Variants in MAP3K3 observed in about 807,000 individuals in gnomAD.
The protein encoded by MAP3K3 is mitogen-activated protein kinase kinase kinase 3.
Under a neutral mutation model 80.9 loss-of-function variants are expected in MAP3K3, and 12 were observed. The observed-to-expected ratio is 0.15, with a 90% confidence interval of 0.10 to 0.24. The LOEUF (loss-of-function observed/expected upper bound fraction) is 0.24. MAP3K3 is among the 10% of genes least tolerant of loss of function. MAP3K3 has a pLI of 1.00. For missense variants in MAP3K3, 596 were observed against 834.7 expected (o/e 0.71, Z 3.52); for synonymous variants, 272 against 307.1 (o/e 0.89, Z 1.19).
intron 2 of MAP3K3, among the ~76,000 whole-genome samples, chr17:63,639,577 C>T (rs144431569): frequency 2.0e-5 from 3 of 152,200 alleles, no homozygotes; most frequent in East Asian, 3.9e-4. Context: ...TGTAGAGGAA[C>T]GCAGAGTGGG....
At chr17:63,682,192 C>T (rs780533514) in intron 7 of MAP3K3, 82 of 247,544 alleles carry the variant, frequency 3.3e-4, no homozygotes, top group Non-Finnish European at 5.6e-4. Context: ...AGGCAGGCAC[C>T]ACCACGCCCA....
At position 63,666,922 on chromosome 17, in the gene MAP3K3, T is replaced by G. The variant is rs2035010131; in HGVS notation, c.382-18T>G. On this transcript the variant is annotated intron_variant, in intron 5 of 15. Coordinates refer to ENST00000361733, the MANE Select transcript of MAP3K3 (RefSeq NM_002401.5). ...CTGTGTAAAGATGTAGCTTGGCCTTTTTCCTCTTCTTTTACAGAACAGTTC... is the reference window on the plus strand; with the variant it reads ...CTGTGTAAAGATGTAGCTTGGCCTTGTTCCTCTTCTTTTACAGAACAGTTC... 1 of 1,612,424 alleles carries G rather than the reference T, an allele frequency of 6.2e-7. No homozygotes were observed. The highest frequency in any genetic ancestry group is 8.5e-7 in the Non-Finnish European group (1 of 1,179,590).
In MAP3K3 at chr17:63,691,708, T is replaced by G. The variant is rs764725736; in HGVS notation, c.1345-25T>G. On this transcript the variant is annotated intron_variant, in intron 13 of 15. Coordinates refer to ENST00000361733, the MANE Select transcript of MAP3K3 (RefSeq NM_002401.5). This position sits in a 1 kb window ranked among gnomAD's most constrained non-coding sequence, Gnocchi z 4.8. ...TCCACCAGCCCTCCCCTGAGGGGAC[T>G]CCTCTGACTTCTTGTGGCCTCCAGG... The G allele has an allele frequency of 4.4e-6, 7 of 1,607,216 alleles. No homozygotes were observed. The highest frequency in any genetic ancestry group is 2.7e-5 in the African/African-American group (2 of 74,944).
intron 6 of MAP3K3, among the ~76,000 whole-genome samples, chr17:63,677,064 G>A (rs189492781): frequency 2.6e-5 from 4 of 152,298 alleles, no homozygotes; most frequent in Non-Finnish European, 4.4e-5. Flanking sequence ...GGGATTCTAC[G>A]GAGTTCCTAC....
intron 5 of MAP3K3, among the ~76,000 whole-genome samples, 186 bp from the exon 6 acceptor site, chr17:63,666,754 A>G (rs2035006823): frequency 6.6e-6 from 1 of 152,208 alleles, no homozygotes; most frequent in African/African-American, 2.4e-5. Flanking sequence ...ATAAAACTAC[A>G]TTGAGCGAAT....
At position 63,691,964 on chromosome 17, in the gene MAP3K3, A is replaced by G. The variant is rs1018580812; in HGVS notation, c.1474+102A>G. On this transcript the variant is annotated intron_variant, in intron 14 of 15. Coordinates refer to ENST00000361733, the MANE Select transcript of MAP3K3 (RefSeq NM_002401.5). The surrounding 1 kb of genome is among the most constrained non-coding windows in gnomAD (Gnocchi z 4.8). The stretch of plus-strand genomic sequence containing the variant: ...ACTTAACCATTCTGAACTTTCTGAA[A>G]AGTGGGACCCCAGTTGTTTCCCTGA... 1 of 1,346,548 alleles carries G rather than the reference A, an allele frequency of 7.4e-7. No individual in the cohort carries two copies. Among genetic ancestry groups the G allele is most frequent in the African/African-American group, 1.5e-5 (1 of 68,816 alleles). The allele number at this position is 1,346,548 out of a possible 1,614,324, so 83.4% of individuals were successfully genotyped here.
chr17:63,630,920 G>T (rs1568121683), intron 1 of MAP3K3, among the ~76,000 whole-genome samples: 1 of 152,060 alleles, frequency 6.6e-6, no homozygotes, highest in Non-Finnish European at 1.5e-5. Flanking sequence ...AGGCAACTTT[G>T]TCCTTTTCTG....
At chr17:63,678,768 G>T (rs565207683) in intron 6 of MAP3K3, among the ~76,000 whole-genome samples, 1 of 152,186 alleles carries the variant, frequency 6.6e-6, no homozygotes, top group Non-Finnish European at 1.5e-5. Context: ...AGTGGCTGAC[G>T]CCTGTAATCC....
At chr17:63,626,668 A>G (rs1011927379) in intron 1 of MAP3K3, among the ~76,000 whole-genome samples, 2 of 152,248 alleles carry the variant, frequency 1.3e-5, no homozygotes, top group Non-Finnish European at 2.9e-5. Flanking sequence ...GCATATACTC[A>G]TTGTAAAATG....
At chr17:63,655,535 A>G (rs1390200209) in intron 4 of MAP3K3, among the ~76,000 whole-genome samples, 3 of 152,186 alleles carry the variant, frequency 2.0e-5, no homozygotes, top group South Asian at 4.1e-4. Flanking sequence ...TTTGTTGCGC[A>G]GGCCAGAGTG....
rs1464626795 is a variant in MAP3K3 at position 63,681,836 on chromosome 17, G to A, written c.573G>A (p.Arg191=). 7.8e-6 allele frequency: 12 copies of A among 1,546,718 alleles called. No homozygotes were observed. Among genetic ancestry groups the A allele is most frequent in the Admixed American group, 1.9e-5 (1 of 52,518 alleles). ...CTGAGCGGCAGCAGCACATTGCCCG[G>A]CAGGGGTCCTACACCAGCATCAACA... ...YVPERQQHIA[R]QGSYTSINSE... The change falls in exon 7 of 16, where the codon CGG becomes CGA. Residue 191 remains arginine, a synonymous_variant. Transcript: ENST00000361733.
At chr17:63,683,470 G>A (rs1468065273) in intron 7 of MAP3K3, among the ~76,000 whole-genome samples, 1 of 152,174 alleles carries the variant, frequency 6.6e-6, no homozygotes, top group African/African-American at 2.4e-5. Flanking sequence ...CCCTCGCCAT[G>A]GTCCTATACT....
chr17:63,641,812 G>A (rs559768757), intron 2 of MAP3K3, among the ~76,000 whole-genome samples: 1 of 152,068 alleles, frequency 6.6e-6, no homozygotes, highest in African/African-American at 2.4e-5. Context: ...GTCAGAAGTC[G>A]CAAGGTTGAG....
chr17:63,689,847 C>G lies in MAP3K3; in HGVS notation c.1063+112C>G. On this transcript the variant is annotated intron_variant, in intron 11 of 15. Transcript: ENST00000361733. This position sits in a 1 kb window ranked among gnomAD's most constrained non-coding sequence, Gnocchi z 4.3. ...TAGGCTCAGCAGGTGGTGGCTTTGGCCCAAATGCACCACATGGGATAAGCC... is the reference window on the plus strand; with the variant it reads ...TAGGCTCAGCAGGTGGTGGCTTTGGGCCAAATGCACCACATGGGATAAGCC... The G allele has an allele frequency of 1.0e-6, 1 of 960,958 alleles. No individual in the cohort carries two copies. Among genetic ancestry groups the G allele is most frequent in the African/African-American group, 1.6e-5 (1 of 60,692 alleles). The allele number at this position is 960,958 out of a possible 1,614,324, so 59.5% of individuals were successfully genotyped here.
At chr17:63,661,364 A>G (rs1418481766) in intron 5 of MAP3K3, among the ~76,000 whole-genome samples, 1 of 152,122 alleles carries the variant, frequency 6.6e-6, no homozygotes, top group Non-Finnish European at 1.5e-5. Flanking sequence ...TTGTCTGAAA[A>G]GCCTCTCTCT....
At chr17:63,655,137 A>C (rs1045084817) in intron 4 of MAP3K3, among the ~76,000 whole-genome samples, 3 of 152,202 alleles carry the variant, frequency 2.0e-5, no homozygotes, top group Non-Finnish European at 4.4e-5. Flanking sequence ...CAAACTTAAC[A>C]ATCATGATGG....
intron 1 of MAP3K3, among the ~76,000 whole-genome samples, chr17:63,625,984 G>C (rs1298305952): frequency 6.6e-6 from 1 of 152,112 alleles, no homozygotes; most frequent in Non-Finnish European, 1.5e-5. Flanking sequence ...GAGGTGGGAA[G>C]ATCATCTGAG....
intron 8 of MAP3K3, among the ~76,000 whole-genome samples, chr17:63,687,771 C>T (rs1185908472): frequency 1.4e-5 from 2 of 146,144 alleles, no homozygotes; most frequent in African/African-American, 5.1e-5. Flanking sequence ...GGGTGGATCA[C>T]AAGGTCAAGA....
chr17:63,692,351 T>C lies in MAP3K3; in HGVS notation c.1584T>C (p.Thr528=). The change falls in exon 15 of 16, where the codon ACT becomes ACC. Residue 528 remains threonine (T), a synonymous_variant. Coordinates refer to ENST00000361733, the MANE Select transcript of MAP3K3 (RefSeq NM_002401.5). The surrounding 1 kb of genome is among the most constrained non-coding windows in gnomAD (Gnocchi z 4.5). ...CMSGTGMRSV[T]GTPYWMSPEV... ...CGGGGACGGGCATGCGCTCCGTCAC[T>C]GGCACACCCTACTGGATGAGCCCTG... The C allele has an allele frequency of 6.2e-7, 1 of 1,613,960 alleles. No individual in the cohort carries two copies. Among genetic ancestry groups the C allele is most frequent in the Non-Finnish European group, 8.5e-7 (1 of 1,180,016 alleles).
Sources: gnomAD v4.1 joint callset for allele counts (sites outside exome capture counted in the v4.1 genomes callset) on GRCh38, gnomAD v4.1.1 for gene constraint, Gnocchi (gnomAD v3.1) non-coding constraint, MANE v1.5 for transcripts, NCBI Gene and HGNC (gene_info 2026-07-23, HGNC 2026-07-21) for gene names.